The following FHAD1 variants were observed in gnomAD, a reference collection of about 807,000 sequenced individuals.
FHAD1 encodes forkhead-associated domain-containing protein 1.
In FHAD1, 146 loss-of-function variants were observed where a neutral mutation model predicts 191.3. The observed-to-expected ratio is 0.76, with a 90% CI of 0.67 to 0.88. FHAD1 has a LOEUF of 0.88. Among genes scored for constraint, FHAD1 ranks in the 40% least tolerant of loss-of-function variants. The pLI, the probability that FHAD1 is intolerant of heterozygous loss-of-function variation, is 0.00. For synonymous variants in FHAD1, 616 were observed against 672.3 expected, an observed-to-expected ratio of 0.92 and a Z score of 1.29; for missense variants, 1,635 against 1,785.8, an observed-to-expected ratio of 0.92 and a Z score of 1.52.
chr1:15,348,382 G>A (rs1461350724), intron 18 of FHAD1, among the ~76,000 whole-genome samples: 1 of 152,178 alleles, frequency 6.6e-6, no homozygotes, highest in Non-Finnish European at 1.5e-5. Flanking sequence ...ACTGGAAACA[G>A]GCTGGCAGTG....
Position 15,329,424 on chromosome 1 carries a change from C to T in FHAD1, c.1789C>T (p.Pro597Ser), listed in dbSNP as rs1680310805. Residue 597 changes from proline (P) to serine (S), a missense_variant, in exon 14 of 34, where the codon CCT becomes TCT. By Grantham distance (74) the Pro-to-Ser change is moderately conservative. Coordinates refer to ENST00000688493, the MANE Select transcript of FHAD1 (RefSeq NM_001391957.1). The surrounding 1 kb of genome is among the most constrained non-coding windows in gnomAD (Gnocchi z 5.0). ...TCTTCAGCACCTCCAGGTGAGCCCA[C>T]CTGTCTCGGGGCTCCAGAAGGTGGT... The part of the protein sequence containing the change: ...DLLQHLQVSP[P>S]VSGLQKVVLD... 2 of 1,551,314 alleles carry T rather than the reference C, an allele frequency of 1.3e-6. No individual in the cohort carries two copies. The highest frequency in any genetic ancestry group is 8.7e-7 in the Non-Finnish European group (1 of 1,146,952).
chr1:15,259,204 C>T (rs1169664479), intron 2 of FHAD1, among the ~76,000 whole-genome samples: 1 of 152,042 alleles, frequency 6.6e-6, no homozygotes, highest in Non-Finnish European at 1.5e-5. Context: ...ACAGATAATA[C>T]AAACGGCCAC....
At chr1:15,351,068 G>T (rs1456421132) in intron 19 of FHAD1, among the ~76,000 whole-genome samples, 1 of 152,190 alleles carries the variant, frequency 6.6e-6, no homozygotes, top group African/African-American at 2.4e-5. Flanking sequence ...CATCTTGCTG[G>T]GTGCGATGGC....
At chr1:15,326,791 T>G (rs1678814529) in intron 11 of FHAD1, 1 of 312,284 alleles carries the variant, frequency 3.2e-6, no homozygotes, top group Non-Finnish European at 5.9e-6. Context: ...GAGGCTCTTC[T>G]GAGGGTTTGA....
intron 2 of FHAD1, among the ~76,000 whole-genome samples, chr1:15,270,967 G>A (rs903248868): frequency 3.3e-5 from 5 of 151,798 alleles, no homozygotes; most frequent in African/African-American, 1.2e-4. Context: ...GTGAAACCCC[G>A]CCTCTACTAA....
At chr1:15,383,334 G>A (rs530404523) in intron 31 of FHAD1, 28 of 435,502 alleles carry the variant, frequency 6.4e-5, no homozygotes, top group Middle Eastern at 7.4e-4. Flanking sequence ...GGCACCAGCC[G>A]GCGGACACTG....
rs1267728102 is a variant in FHAD1 at position 15,308,610 on chromosome 1, C to T, written c.916-3C>T. ...CCTCTGACTGTGCCACCTCCTCCCA[C>T]AGATCAGTGCCCTACAGAAAGGCTA... On this transcript the variant is annotated splice_polypyrimidine_tract_variant and splice_region_variant and intron_variant, in intron 6 of 33. Coordinates refer to ENST00000688493, the MANE Select transcript of FHAD1 (RefSeq NM_001391957.1). 4 of 1,551,614 alleles carry T rather than the reference C, an allele frequency of 2.6e-6. No homozygotes were observed. The highest frequency in any genetic ancestry group is 3.9e-5 in the Admixed American group (2 of 50,986).
At chr1:15,317,767 C>G (rs1210033620) in intron 9 of FHAD1, 57 bp from the exon 10 acceptor site, 1 of 1,273,988 alleles carries the variant, frequency 7.8e-7, no homozygotes, top group African/African-American at 1.5e-5. Context: ...ACCTCTCAGC[C>G]AAGAAGGCAG....
intron 21 of FHAD1, among the ~76,000 whole-genome samples, chr1:15,359,519 A>G (rs1693986103): frequency 6.6e-6 from 1 of 152,110 alleles, no homozygotes; most frequent in South Asian, 2.1e-4. Flanking sequence ...CAGATTTGCC[A>G]TTCGGGGGTC....
intron 33 of FHAD1, among the ~76,000 whole-genome samples, chr1:15,394,500 G>A (rs1421737451): frequency 3.3e-5 from 5 of 152,174 alleles, no homozygotes; most frequent in Non-Finnish European, 5.9e-5. Flanking sequence ...GCTGGTATGG[G>A]ACTGACTTAC....
At chr1:15,335,672 A>G (rs1202779299) in intron 14 of FHAD1, among the ~76,000 whole-genome samples, 6 of 152,154 alleles carry the variant, frequency 3.9e-5, no homozygotes, top group Non-Finnish European at 2.9e-5. Flanking sequence ...AGTGGCAAAC[A>G]CTTCCCACAT....
At chr1:15,303,167 G>A (rs1052129064) in intron 6 of FHAD1, among the ~76,000 whole-genome samples, 4 of 152,184 alleles carry the variant, frequency 2.6e-5, no homozygotes, top group Non-Finnish European at 4.4e-5. Context: ...GTGTTCCAAT[G>A]AGGGGGACAG....
chr1:15,391,144 T>C, intron 32 of FHAD1, 66 bp from the exon 33 acceptor site: 1 of 941,018 alleles, frequency 1.1e-6, no homozygotes, highest in Non-Finnish European at 1.4e-6. Flanking sequence ...AAATCCATTT[T>C]TCTTTGATGC....
intron 16 of FHAD1, 23 bp from the exon 17 acceptor site, chr1:15,345,060 A>C: frequency 6.5e-7 from 1 of 1,528,348 alleles, no homozygotes; most frequent in East Asian, 2.5e-5. Context: ...CATGTCTGTT[A>C]AACAATGGTC....
At chr1:15,389,488 G>C (rs1248305491) in intron 32 of FHAD1, among the ~76,000 whole-genome samples, 1 of 131,112 alleles carries the variant, frequency 7.6e-6, no homozygotes, top group South Asian at 2.5e-4. Flanking sequence ...AGAGAAAGGA[G>C]GGAAGAGAGG....
intron 18 of FHAD1, among the ~76,000 whole-genome samples, chr1:15,348,460 A>G (rs1689684922): frequency 6.6e-6 from 1 of 152,198 alleles, no homozygotes; most frequent in South Asian, 2.1e-4. Flanking sequence ...CTTCCCAGAC[A>G]AAACTCCTTG....
intron 3 of FHAD1, among the ~76,000 whole-genome samples, chr1:15,273,772 G>T (rs1233071217): frequency 6.6e-6 from 1 of 152,138 alleles, no homozygotes; most frequent in African/African-American, 2.4e-5. Context: ...CGTTTCTAAG[G>T]AACAGTTCAG....
intron 7 of FHAD1, among the ~76,000 whole-genome samples, chr1:15,309,856 C>T (rs568885772): frequency 2.5e-4 from 38 of 152,116 alleles, no homozygotes; most frequent in Admixed American, 1.4e-3. Flanking sequence ...CCCCTGGGAA[C>T]GGTATGCTGG....
intron 28 of FHAD1, among the ~76,000 whole-genome samples, chr1:15,376,050 T>C: frequency 1.3e-5 from 1 of 75,900 alleles, no homozygotes; most frequent in African/African-American, 6.0e-5. Flanking sequence ...TTTTATTTTA[T>C]TTATTTATTT....
Sources: gnomAD v4.1 joint callset for allele counts (sites outside exome capture counted in the v4.1 genomes callset) on GRCh38, gnomAD v4.1.1 for gene constraint, Gnocchi (gnomAD v3.1) non-coding constraint, MANE v1.5 for transcripts, NCBI Gene and HGNC (gene_info 2026-07-23, HGNC 2026-07-21) for gene names.